Variants in C18orf63 observed in about 807,000 individuals in gnomAD.
The protein encoded by C18orf63 is chromosome 18 open reading frame 63.
A neutral mutation model predicts 75.3 loss-of-function variants in C18orf63; 50 were observed. That is an observed-to-expected ratio of 0.66 (90% CI 0.53 to 0.84). The LOEUF is 0.84. Among genes scored for constraint, C18orf63 ranks in the 40% least tolerant of loss-of-function variants. The probability of loss-of-function intolerance (pLI) is 0.00; values close to 1 mark genes in which losing one functional copy is unlikely to be tolerated. For missense variants in C18orf63, 732 were observed against 800.2 expected, an observed-to-expected ratio of 0.91 and a Z score of 1.03; for synonymous variants, 232 against 267.6, an observed-to-expected ratio of 0.87 and a Z score of 1.30.
chr18:74,325,306 G>A (rs914641096), intron 4 of C18orf63, among the ~76,000 whole-genome samples: 3 of 152,112 alleles, frequency 2.0e-5, no homozygotes, highest in Non-Finnish European at 2.9e-5. Flanking sequence ...ATTTTGAAGT[G>A]TGTTATATAG....
intron 3 of C18orf63, among the ~76,000 whole-genome samples, chr18:74,321,524 C>T (rs542618864): frequency 4.6e-5 from 7 of 152,152 alleles, no homozygotes; most frequent in African/African-American, 1.2e-4. Context: ...AGGCTGGTCT[C>T]GAACTCCTGA....
In C18orf63 at chr18:74,356,850, A is replaced by G. The variant is rs1984774729; in HGVS notation, c.*403A>G. The stretch of plus-strand genomic sequence containing the variant: ...AAGAACCTCTAAGTACCTATCACCC[A>G]GATCTACCAGTTATTAATATTTTGC... On this transcript the variant is annotated 3_prime_UTR_variant, in exon 14 of 14. Transcript: ENST00000579455. 1 of 152,178 alleles carries G rather than the reference A, an allele frequency of 6.6e-6. No homozygotes were observed. The highest frequency in any genetic ancestry group is 1.5e-5 in the Non-Finnish European group (1 of 68,024). The allele number at this position is 152,178 out of a possible 1,614,324, so 9.4% of individuals were successfully genotyped here.
At chr18:74,316,437 G>A (rs1379608392) in intron 1 of C18orf63, among the ~76,000 whole-genome samples, 1 of 152,238 alleles carries the variant, frequency 6.6e-6, no homozygotes, top group East Asian at 1.9e-4. Flanking sequence ...CGGGTCTGGG[G>A]CCGCCCTGAA....
chr18:74,353,562 C>A lies in C18orf63; in HGVS notation c.1295C>A (p.Thr432Asn). ...HTNLSSQSNI[T>N]PKFVPVFKNR... is the part of the protein sequence containing the mutation. ...AATCTTAGCTCCCAAAGCAACATCA[C>A]CCCTAAGTTTGTACCAGTTTTCAAA... is the stretch of plus-strand genomic sequence containing the variant. The change falls in exon 12 of 14, where the codon ACC becomes AAC. Residue 432 changes from threonine to asparagine, a missense_variant. Thr to Asn is a moderately conservative substitution (Grantham distance 65). This residue lies in a region of C18orf63 where 495 missense variants were observed against 508.7 expected (regional missense o/e 0.97). Coordinates refer to ENST00000579455, the MANE Select transcript of C18orf63 (RefSeq NM_001174123.2). 6.5e-7 allele frequency: 1 copy of A among 1,536,476 alleles called. No individual in the cohort carries two copies.
intron 11 of C18orf63, among the ~76,000 whole-genome samples, chr18:74,350,141 T>C (rs1984642428): frequency 6.6e-6 from 1 of 152,150 alleles, no homozygotes; most frequent in Non-Finnish European, 1.5e-5. Flanking sequence ...TGGTGGTCTC[T>C]GCTCATATGG....
chr18:74,344,426 T>C (rs1195617832), intron 11 of C18orf63, among the ~76,000 whole-genome samples: 1 of 151,864 alleles, frequency 6.6e-6, no homozygotes, highest in African/African-American at 2.4e-5. Context: ...TATAGAAAAG[T>C]AATACTGTAT....
At chr18:74,349,784 C>T (rs1984636162) in intron 11 of C18orf63, among the ~76,000 whole-genome samples, 1 of 152,096 alleles carries the variant, frequency 6.6e-6, no homozygotes, top group South Asian at 2.1e-4. Flanking sequence ...CATTCTGCTC[C>T]CCTACACTTA....
intron 11 of C18orf63, 55 bp from the exon 12 acceptor site, chr18:74,353,191 C>T: frequency 9.3e-7 from 1 of 1,078,686 alleles, no homozygotes; most frequent in Non-Finnish European, 1.3e-6. Context: ...TATTTCTTTT[C>T]CATTAAGGAC....
Position 74,349,590 on chromosome 18 carries a change from G to A in C18orf63, c.979-3656G>A, listed in dbSNP as rs573158111. On this transcript the variant is annotated intron_variant, in intron 11 of 13. Coordinates refer to ENST00000579455, the MANE Select transcript of C18orf63 (RefSeq NM_001174123.2). ...GAACCCTATTGTGAACTGCGTACAC[G>A]AGGGATCTAGGTTGCATGCTCCTTA... Among the ~76,000 whole-genome samples the A allele has an allele frequency of 3.3e-5, 5 of 152,270 alleles. No homozygotes were observed. In the South Asian group the frequency reaches 6.2e-4, roughly 19 times the overall value.
At position 74,320,586 on chromosome 18, in the gene C18orf63, A is replaced by G; in HGVS notation, c.208A>G (p.Met70Val). ...AATATTAAACCAAATCTGGGTGGTG[A>G]TGGCGGTTAGTATTTTAATATTTTG... ...SGILNQIWVVMAIPFYKARKL... is the reference protein window; with the variant it reads ...SGILNQIWVVVAIPFYKARKL... The change falls in exon 3 of 14, where the codon ATG becomes GTG. Residue 70 changes from methionine (M) to valine (V), a missense_variant. Coordinates refer to ENST00000579455, the MANE Select transcript of C18orf63 (RefSeq NM_001174123.2). 2 of 1,527,598 alleles carry G rather than the reference A, an allele frequency of 1.3e-6. No individual in the cohort carries two copies. The highest frequency in any genetic ancestry group is 1.8e-6 in the Non-Finnish European group (2 of 1,139,768). 94.6% of individuals were successfully genotyped at this position (1,527,598 alleles called of 1,614,324 possible).
At chr18:74,324,677 T>C (rs1032597438) in intron 4 of C18orf63, among the ~76,000 whole-genome samples, 1 of 152,228 alleles carries the variant, frequency 6.6e-6, no homozygotes, top group African/African-American at 2.4e-5. Context: ...ATATCACCCA[T>C]AGTCCTTATA....
At chr18:74,349,006 T>C (rs923328600) in intron 11 of C18orf63, among the ~76,000 whole-genome samples, 6 of 152,252 alleles carry the variant, frequency 3.9e-5, no homozygotes, top group Non-Finnish European at 8.8e-5. Context: ...ATATTTCATA[T>C]ACCACACACA....
At chr18:74,350,075 G>C (rs1336568773) in intron 11 of C18orf63, among the ~76,000 whole-genome samples, 1 of 152,198 alleles carries the variant, frequency 6.6e-6, no homozygotes, top group Non-Finnish European at 1.5e-5. Context: ...TGGCTGTGGG[G>C]TGTGGGGGTA....
In C18orf63 at chr18:74,320,304, G is replaced by C. The variant is rs541825561; in HGVS notation, c.135-209G>C. Among the ~76,000 whole-genome samples, 30 of 152,198 alleles carry C rather than the reference G, an allele frequency of 2.0e-4. 1 individual carries two copies. The highest frequency in any genetic ancestry group is 1.9e-3 in the South Asian group (9 of 4,818). ...TCTAATGGCAGCAAGAGAGAGAGGT[G>C]GGGGGAGGAAGTGCTACACACTTTT... On this transcript the variant is annotated intron_variant, in intron 2 of 13. Coordinates refer to ENST00000579455, the MANE Select transcript of C18orf63 (RefSeq NM_001174123.2).
chr18:74,329,168 TGTTTGAGCCCA>T, intron 6 of C18orf63, 132 bp downstream of exon 6: 1 of 576,646 alleles, frequency 1.7e-6, no homozygotes, highest in South Asian at 2.1e-5. Flanking sequence ...GTAGGTAGAT[TGTTTGAGCCCA>T]CAAGTTCAAG....
chr18:74,330,440 C>G (rs2145120088), intron 6 of C18orf63, among the ~76,000 whole-genome samples: 1 of 152,046 alleles, frequency 6.6e-6, no homozygotes. Flanking sequence ...AATATATCTG[C>G]CAGTATATTT....
chr18:74,335,428 A>G (rs1387284433), intron 7 of C18orf63, among the ~76,000 whole-genome samples: 1 of 152,086 alleles, frequency 6.6e-6, no homozygotes, highest in East Asian at 1.9e-4. Context: ...TTAAGAGGTA[A>G]TTGAAACAGT....
intron 10 of C18orf63, among the ~76,000 whole-genome samples, chr18:74,342,618 T>A (rs567086165): frequency 6.6e-6 from 1 of 152,296 alleles, no homozygotes; most frequent in Admixed American, 6.5e-5. Context: ...ATCATGATTC[T>A]CCTTAGCCAA....
chr18:74,343,464 T>C, intron 10 of C18orf63, 55 bp from the exon 11 acceptor site: 1 of 1,164,130 alleles, frequency 8.6e-7, no homozygotes, highest in East Asian at 2.7e-5. Flanking sequence ...AAATCCCTTA[T>C]AAATTTCTGC....
Sources: allele counts gnomAD v4.1 joint callset (sites outside exome capture counted in the v4.1 genomes callset), GRCh38; gene constraint gnomAD v4.1.1; regional missense constraint gnomAD v4.1.1; transcripts MANE v1.5; gene names NCBI Gene and HGNC (gene_info 2026-07-23, HGNC 2026-07-21).